PITPNM2: variants seen among roughly 807,000 people sequenced by gnomAD.
PITPNM2 encodes the protein phosphatidylinositol transfer protein membrane associated 2.
PITPNM2 carries 35 observed loss-of-function variants against 132.2 expected under a neutral mutation model. The ratio of observed to expected loss-of-function variants is 0.26; its 90% confidence interval spans 0.20 to 0.35. PITPNM2 has a LOEUF of 0.35. PITPNM2 is among the 10% of genes least tolerant of loss of function. The pLI is 1.00. For synonymous variants in PITPNM2, 738 were observed against 799.2 expected (o/e 0.92, Z 1.29); for missense variants, 1,332 against 1,912.0 (o/e 0.70, Z 5.66).
At chr12:123,126,886 T>C (rs2043150022) in intron 1 of PITPNM2, among the ~76,000 whole-genome samples, 1 of 152,214 alleles carries the variant, frequency 6.6e-6, no homozygotes, top group Non-Finnish European at 1.5e-5. Context: ...ATGACAGCAG[T>C]GATGAAGCAG....
At chr12:123,126,042 T>C (rs1004755756) in intron 1 of PITPNM2, among the ~76,000 whole-genome samples, 9 of 151,004 alleles carry the variant, frequency 6.0e-5, no homozygotes, top group Non-Finnish European at 1.2e-4. Context: ...GCTAATTTTT[T>C]GTATTTTTAG....
intron 2 of PITPNM2, among the ~76,000 whole-genome samples, chr12:123,044,974 A>G (rs1241368058): frequency 6.6e-6 from 1 of 152,042 alleles, no homozygotes; most frequent in Non-Finnish European, 1.5e-5. Context: ...GTTTCCTCAA[A>G]TTCCCATCAT....
intron 2 of PITPNM2, among the ~76,000 whole-genome samples, chr12:123,052,265 G>C (rs978870713): frequency 2.0e-5 from 3 of 151,850 alleles, no homozygotes; most frequent in African/African-American, 7.3e-5. Flanking sequence ...ATAGACAGCG[G>C]GTTTGTTTGT....
intron 2 of PITPNM2, among the ~76,000 whole-genome samples, chr12:123,049,607 G>A (rs73411076): frequency 0.043 from 6,480 of 152,172 alleles, 461 homozygotes; most frequent in African/African-American, 0.15. Context: ...TGCCCTCCCT[G>A]TCCCTTCTAC....
At chr12:123,055,062 C>CA (rs1235682346) in intron 2 of PITPNM2, among the ~76,000 whole-genome samples, 2 of 150,412 alleles carry the variant, frequency 1.3e-5, no homozygotes, top group African/African-American at 2.4e-5. Context: ...AACTCAGTCT[C>CA]AAAAAAAAGA....
chr12:123,000,904 C>A lies in PITPNM2; in HGVS notation c.1154-56G>T. 2 of 1,599,062 alleles carry A rather than the reference C, an allele frequency of 1.3e-6. No individual in the cohort carries two copies. The highest frequency in any genetic ancestry group is 1.7e-6 in the Non-Finnish European group (2 of 1,166,932). On this transcript the variant is annotated intron_variant, in intron 9 of 25. Transcript: ENST00000320201. The surrounding 1 kb of genome is among the most constrained non-coding windows in gnomAD (Gnocchi z 5.4). The stretch of plus-strand genomic sequence containing the variant: ...TGAGGGGCAGCCCAACCTGGCCGAC[C>A]GGACAGAGGCTGCAACTGTGACGAG...
intron 2 of PITPNM2, among the ~76,000 whole-genome samples, chr12:123,065,727 G>A (rs2041388636): frequency 6.6e-6 from 1 of 152,192 alleles, no homozygotes; most frequent in Admixed American, 6.5e-5. Flanking sequence ...CAGGCACCCT[G>A]GGCTGGCCTG....
At chr12:122,991,637 T>A (rs1279661434) in intron 16 of PITPNM2, 11 of 1,112,572 alleles carry the variant, frequency 9.9e-6, no homozygotes, top group African/African-American at 1.6e-5. Flanking sequence ...TCTCTGTTCC[T>A]CACCACCCAG....
intron 20 of PITPNM2, 38 bp from the exon 21 acceptor site, chr12:122,987,939 A>G: frequency 6.4e-7 from 1 of 1,564,752 alleles, no homozygotes. Flanking sequence ...AGGGGGTCGG[A>G]GGGCACCCCG....
chr12:123,114,200 G>T (rs1315836196), intron 1 of PITPNM2, among the ~76,000 whole-genome samples: 2 of 151,952 alleles, frequency 1.3e-5, no homozygotes, highest in African/African-American at 4.8e-5. Flanking sequence ...ATTCTTTTGG[G>T]TATACACCTA....
chr12:122,996,424 G>T, intron 13 of PITPNM2, 34 bp downstream of exon 13: 1 of 1,611,312 alleles, frequency 6.2e-7, no homozygotes. Flanking sequence ...GAGGCTTCAG[G>T]CCTTGGGGAC....
intron 2 of PITPNM2, among the ~76,000 whole-genome samples, chr12:123,054,480 G>A (rs1228704317): frequency 1.3e-5 from 2 of 152,162 alleles, no homozygotes; most frequent in East Asian, 1.9e-4. Flanking sequence ...TAAACTTGGG[G>A]TCAAAGAGAG....
intron 1 of PITPNM2, among the ~76,000 whole-genome samples, chr12:123,113,660 C>T (rs894365893): frequency 1.3e-5 from 2 of 152,108 alleles, no homozygotes; most frequent in Non-Finnish European, 2.9e-5. Flanking sequence ...GTGATCACAC[C>T]ACTGCACTCC....
At chr12:123,015,216 C>T (rs1483045836) in intron 3 of PITPNM2, among the ~76,000 whole-genome samples, 2 of 152,072 alleles carry the variant, frequency 1.3e-5, no homozygotes, top group East Asian at 1.9e-4. Context: ...ACAGGAGACC[C>T]GGAAGAGCCA....
chr12:123,088,365 C>T (rs2042170314), intron 2 of PITPNM2: 1 of 152,044 alleles, frequency 6.6e-6, no homozygotes, highest in Non-Finnish European at 1.5e-5. Context: ...TACTTTTCTT[C>T]CTGGCATTTA....
intron 2 of PITPNM2, among the ~76,000 whole-genome samples, chr12:123,042,365 C>CA (rs1289556875): frequency 6.6e-6 from 1 of 152,172 alleles, no homozygotes; most frequent in Non-Finnish European, 1.5e-5. Flanking sequence ...AAGCGGAGGC[C>CA]ATGAGACACC....
chr12:123,151,560 C>G (rs2043755204), upstream of PITPNM2, among the ~76,000 whole-genome samples: 1 of 152,136 alleles, frequency 6.6e-6, no homozygotes, highest in African/African-American at 2.4e-5. Flanking sequence ...CACGGTGGGT[C>G]CGCGCTCTCC....
At chr12:123,049,820 A>G (rs1467470411) in intron 2 of PITPNM2, among the ~76,000 whole-genome samples, 1 of 152,200 alleles carries the variant, frequency 6.6e-6, no homozygotes, top group Admixed American at 6.5e-5. Context: ...AACACCTTTC[A>G]TTTGTCTCTC....
chr12:123,085,633 T>C (rs994367356), intron 2 of PITPNM2, among the ~76,000 whole-genome samples: 1 of 152,112 alleles, frequency 6.6e-6, no homozygotes, highest in African/African-American at 2.4e-5. Context: ...CAATGAACTA[T>C]ACGCATAAAA....
Sources: gnomAD v4.1 joint callset for allele counts (sites outside exome capture counted in the v4.1 genomes callset) on GRCh38, gnomAD v4.1.1 for gene constraint, Gnocchi (gnomAD v3.1) non-coding constraint, MANE v1.5 for transcripts, NCBI Gene and HGNC (gene_info 2026-07-23, HGNC 2026-07-21) for gene names.